Variants in LRP4 observed in about 807,000 individuals in gnomAD.
LRP4 encodes the protein low-density lipoprotein receptor-related protein 4.
A neutral mutation model predicts 220.3 loss-of-function variants in LRP4; 95 were observed. The ratio of observed to expected loss-of-function variants is 0.43; its 90% CI spans 0.37 to 0.51. LRP4 has a LOEUF of 0.51. Among genes scored for constraint, LRP4 ranks in the 20% least tolerant of loss-of-function variants. LRP4 has a pLI of 0.00. For missense variants in LRP4, 1,925 were observed against 2,567.0 expected, an observed-to-expected ratio of 0.75 and a Z score of 5.40; for synonymous variants, 903 against 954.6, an observed-to-expected ratio of 0.95 and a Z score of 1.00.
chr11:46,895,863 G>A lies in LRP4; in HGVS notation c.1183+21C>T, dbSNP rs375869121. 1.1e-5 allele frequency: 18 copies of A among 1,609,920 alleles called. No homozygotes were observed. The African/African-American group carries it at 2.4e-4, about 21-fold the overall frequency. On this transcript the variant is annotated intron_variant, in intron 10 of 37. Coordinates refer to ENST00000378623, the MANE Select transcript of LRP4 (RefSeq NM_002334.4). ...CCCTGCTCAGAACCCCGACTCTGCT[G>A]CAAACCAGGCCCCAGCTCACCTTGG...
At position 46,857,114 on chromosome 11, in the gene LRP4, TA is replaced by T. The variant is rs1940399242; in HGVS notation, c.*1868del. On this transcript the variant is annotated 3_prime_UTR_variant, in exon 38 of 38. Transcript: ENST00000378623. Reference sequence around the variant, plus strand: ...TACATTCTGAACAGCCCAAGTGCAATAAGATCCTTCCCCCTTTCCAATCAAG... The same window carrying T: ...TACATTCTGAACAGCCCAAGTGCAATAGATCCTTCCCCCTTTCCAATCAAG... 1 of 152,688 alleles carries T rather than the reference TA, an allele frequency of 6.5e-6. No individual in the cohort carries two copies. Among genetic ancestry groups the T allele is most frequent in the East Asian group, 1.9e-4 (1 of 5,182 alleles). 9.5% of individuals were successfully genotyped at this position (152,688 alleles called of 1,614,324 possible).
intron 1 of LRP4, among the ~76,000 whole-genome samples, chr11:46,903,379 A>G (rs1372312741): frequency 6.6e-6 from 1 of 152,202 alleles, no homozygotes; most frequent in Non-Finnish European, 1.5e-5. Flanking sequence ...CTGTAGTCCC[A>G]GCTACTTGGG....
chr11:46,907,483 G>T (rs1941781620), intron 1 of LRP4, among the ~76,000 whole-genome samples: 1 of 152,200 alleles, frequency 6.6e-6, no homozygotes, highest in Non-Finnish European at 1.5e-5. Flanking sequence ...GCCCAGGATG[G>T]CTTTGAATGT....
Position 46,918,243 on chromosome 11 carries a change from C to G in LRP4, c.52+85G>C, listed in dbSNP as rs1279580356. ...GGAGCGAGGGCGAGGGGTCTCAGGC[C>G]CCGGCCCGCGCCGTCCAGGTCCCGG... On this transcript the variant is annotated intron_variant, in intron 1 of 37. Transcript: ENST00000378623. The surrounding 1 kb of genome is among the most constrained non-coding windows in gnomAD (Gnocchi z 6.0). 3 of 1,420,204 alleles carry G rather than the reference C, an allele frequency of 2.1e-6. No individual in the cohort carries two copies. Among genetic ancestry groups the G allele is most frequent in the African/African-American group, 3.0e-5 (2 of 67,758 alleles). The allele number at this position is 1,420,204 out of a possible 1,614,324, so 88.0% of individuals were successfully genotyped here. A position where few individuals can be genotyped will look rare whatever the true frequency, so the allele number is the denominator to read the frequency against.
At position 46,899,874 on chromosome 11, in the gene LRP4, T is replaced by C. The variant is rs1490002157; in HGVS notation, c.419A>G (p.Asp140Gly). The C allele has an allele frequency of 6.2e-7, 1 of 1,613,916 alleles. No individual in the cohort carries two copies. Among genetic ancestry groups the C allele is most frequent in the Non-Finnish European group, 8.5e-7 (1 of 1,179,998 alleles). Residue 140 changes from aspartate to glycine, a missense_variant, in exon 4 of 38, where the codon GAT (aspartate) becomes GGT (glycine). By Grantham distance (94) the Asp-to-Gly change is moderately conservative. This residue lies in a region of LRP4 where 412 missense variants were observed against 505.4 expected (regional missense o/e 0.82). Transcript: ENST00000378623. This position sits in a 1 kb window ranked among gnomAD's most constrained non-coding sequence, Gnocchi z 5.9. ...DGDNDCGDNS[D>G]EQCDMRKCSD... Reference sequence around the variant, plus strand: ...TTGGGGTCACCCACCACACTGCTCATCGCTGTTGTCGCCACAGTCATTGTC... The same window carrying C: ...TTGGGGTCACCCACCACACTGCTCACCGCTGTTGTCGCCACAGTCATTGTC...
Position 46,892,796 on chromosome 11 carries a change from C to T in LRP4, c.1697+177G>A, listed in dbSNP as rs1486811329. Among the ~76,000 whole-genome samples, 3 of 152,328 alleles carry T rather than the reference C, an allele frequency of 2.0e-5. No individual in the cohort carries two copies. In the East Asian group the frequency reaches 5.8e-4, roughly 29 times the overall value. ...TGTTGGCCAGGCTGGTCTCGAATTA[C>T]TGACCTCAGGTGATCTGCCCGCCTT... On this transcript the variant is annotated intron_variant, in intron 13 of 37. Coordinates refer to ENST00000378623, the MANE Select transcript of LRP4 (RefSeq NM_002334.4).
intron 31 of LRP4, among the ~76,000 whole-genome samples, chr11:46,869,588 A>C (rs1940804502): frequency 6.6e-6 from 1 of 152,074 alleles, no homozygotes; most frequent in Admixed American, 6.6e-5. Context: ...CACTGCCCCA[A>C]ATCCTCTCTT....
chr11:46,896,863 C>T lies in LRP4; in HGVS notation c.922+6G>A, dbSNP rs1479480670. On this transcript the variant is annotated splice_donor_region_variant and intron_variant, in intron 8 of 37. Transcript: ENST00000378623. ...AAGGGTTCTGGGGCACCCCGGGAGA[C>T]ACCACCTGTATTCTCACAGTTCTCT... The T allele has an allele frequency of 1.2e-6, 2 of 1,614,050 alleles. No individual in the cohort carries two copies. Among genetic ancestry groups the T allele is most frequent in the African/African-American group, 1.3e-5 (1 of 74,946 alleles).
intron 12 of LRP4, among the ~76,000 whole-genome samples, chr11:46,893,909 T>C (rs984470058): frequency 3.4e-5 from 5 of 148,260 alleles, no homozygotes; most frequent in Admixed American, 2.0e-4. Context: ...CTATTTTTTT[T>C]TTTTTTTTGA....
chr11:46,876,906 A>C, intron 23 of LRP4, 76 bp from the exon 24 acceptor site: 1 of 1,189,830 alleles, frequency 8.4e-7, no homozygotes, highest in South Asian at 1.2e-5. Flanking sequence ...TCATGTCTTG[A>C]AACACCAGAG....
intron 2 of LRP4, among the ~76,000 whole-genome samples, chr11:46,901,015 C>T (rs182434078): frequency 6.6e-6 from 1 of 152,212 alleles, no homozygotes; most frequent in East Asian, 1.9e-4. Flanking sequence ...AGGCCAGTCT[C>T]GAACTCCTGG....
Position 46,918,360 on chromosome 11 carries a change from G to A in LRP4, c.20C>T (p.Ala7Val). ...GCAGAGCAGGGCGCCAAGCAGCAGC[G>A]CGCCCCACTGCCGCCTCATGGTGCC... MRRQWG[A>V]LLLGALLCAH... The change falls in exon 1 of 38, where the codon GCG (alanine) becomes GTG (valine). Residue 7 changes from alanine (A) to valine (V), a missense_variant. This residue lies in a region of LRP4 where 412 missense variants were observed against 505.4 expected (regional missense o/e 0.82). Coordinates refer to ENST00000378623, the MANE Select transcript of LRP4 (RefSeq NM_002334.4). This position sits in a 1 kb window ranked among gnomAD's most constrained non-coding sequence, Gnocchi z 6.0. 6.8e-7 allele frequency: 1 copy of A among 1,475,404 alleles called. No homozygotes were observed. Among genetic ancestry groups the A allele is most frequent in the Non-Finnish European group, 8.9e-7 (1 of 1,118,236 alleles). 91.4% of individuals were successfully genotyped at this position (1,475,404 alleles called of 1,614,324 possible). A position where few individuals can be genotyped will look rare whatever the true frequency, so the allele number is the denominator to read the frequency against.
intron 7 of LRP4, among the ~76,000 whole-genome samples, chr11:46,898,286 A>G (rs1312363311): frequency 1.3e-5 from 2 of 152,206 alleles, no homozygotes; most frequent in Non-Finnish European, 2.9e-5. Context: ...CCTAGGTTCA[A>G]GCGATTCTCC....
intron 20 of LRP4, 63 bp from the exon 21 acceptor site, chr11:46,879,378 G>T: frequency 6.4e-7 from 1 of 1,563,996 alleles, no homozygotes; most frequent in South Asian, 1.1e-5. Flanking sequence ...CAGTGGCAAA[G>T]AGCTCACTGT....
intron 37 of LRP4, among the ~76,000 whole-genome samples, chr11:46,860,692 G>T (rs1433870594): frequency 6.6e-6 from 1 of 152,158 alleles, no homozygotes; most frequent in Non-Finnish European, 1.5e-5. Flanking sequence ...ATAAAACATG[G>T]TCCCTGCCCT....
chr11:46,912,918 A>G lies in LRP4; in HGVS notation c.52+5410T>C, dbSNP rs1941887576. Among the ~76,000 whole-genome samples, 3 of 152,062 alleles carry G rather than the reference A, an allele frequency of 2.0e-5. No homozygotes were observed. In the South Asian group the frequency reaches 6.2e-4, roughly 31 times the overall value. On this transcript the variant is annotated intron_variant, in intron 1 of 37. Coordinates refer to ENST00000378623, the MANE Select transcript of LRP4 (RefSeq NM_002334.4). ...CTCTGTGTCACTGCCTCTCAGCTAG[A>G]TGGGAGGTTTGCTCCCAGTCTTTTG...
At chr11:46,900,156 G>T in intron 3 of LRP4, 106 bp downstream of exon 3, 1 of 1,013,570 alleles carries the variant, frequency 9.9e-7, no homozygotes, top group Admixed American at 1.7e-5. Context: ...AGGACAAAGT[G>T]CTGAAAACAC....
At chr11:46,876,367 TG>T in intron 25 of LRP4, 98 bp downstream of exon 25, 1 of 1,432,204 alleles carries the variant, frequency 7.0e-7, no homozygotes. Flanking sequence ...ACCTTGTTTC[TG>T]TGATGCAAGC....
chr11:46,891,268 C>T (rs1423535526), intron 13 of LRP4, among the ~76,000 whole-genome samples: 1 of 152,012 alleles, frequency 6.6e-6, no homozygotes, highest in African/African-American at 2.4e-5. Context: ...CACCCGCCAC[C>T]ATGCCCAGCT....
Sources: allele counts gnomAD v4.1 joint callset (sites outside exome capture counted in the v4.1 genomes callset), GRCh38; gene constraint gnomAD v4.1.1; regional missense constraint gnomAD v4.1.1; non-coding constraint Gnocchi (gnomAD v3.1); transcripts MANE v1.5; gene names NCBI Gene and HGNC (gene_info 2026-07-23, HGNC 2026-07-21).